The following GALR1 variants were observed in gnomAD, a reference collection of about 807,000 sequenced individuals.
The protein encoded by GALR1 is galanin receptor 1.
A neutral mutation model predicts 17.9 loss-of-function variants in GALR1; 11 were observed. The ratio of observed to expected loss-of-function variants is 0.62; its 90% CI spans 0.39 to 1.02. The LOEUF is 1.02. GALR1 is among the 50% of genes least tolerant of loss of function. The pLI, the probability that GALR1 is intolerant of heterozygous loss-of-function variation, is 0.01. For missense variants in GALR1, 441 were observed against 456.9 expected (o/e 0.97, Z 0.32); for synonymous variants, 206 against 205.7 (o/e 1.00, Z -0.01).
At chr18:77,260,021 T>C (rs374899638) in intron 2 of GALR1, among the ~76,000 whole-genome samples, 1 of 152,166 alleles carries the variant, frequency 6.6e-6, no homozygotes, top group East Asian at 1.9e-4. Flanking sequence ...GGGATTTGGC[T>C]ACTTGTTTCC....
chr18:77,268,619 T>C lies in GALR1; in HGVS notation c.767T>C (p.Phe256Ser). 6.2e-7 allele frequency: 1 copy of C among 1,614,100 alleles called. No individual in the cohort carries two copies. Among genetic ancestry groups the C allele is most frequent in the South Asian group, 1.1e-5 (1 of 91,088 alleles). The change falls in exon 3 of 3, where the codon TTT (phenylalanine) becomes TCT (serine). Residue 256 changes from phenylalanine (F) to serine (S), a missense_variant. By Grantham distance (155) the Phe-to-Ser change is radical. Transcript: ENST00000299727. Reference protein sequence around the residue: ...AQTVLVVVVVFGISWLPHHII... With the variant: ...AQTVLVVVVVSGISWLPHHII... ...ACAGTTCTGGTGGTGGTTGTGGTGTTTGGAATCTCCTGGCTGCCGCACCAC... is the reference window on the plus strand; with the variant it reads ...ACAGTTCTGGTGGTGGTTGTGGTGTCTGGAATCTCCTGGCTGCCGCACCAC...
At chr18:77,255,616 G>A (rs1011833640) in intron 1 of GALR1, among the ~76,000 whole-genome samples, 1 of 152,150 alleles carries the variant, frequency 6.6e-6, no homozygotes, top group African/African-American at 2.4e-5. Flanking sequence ...CACAAACGCT[G>A]GCAATATTTG....
chr18:77,254,117 A>G (rs1005550637), intron 1 of GALR1: 4 of 152,252 alleles, frequency 2.6e-5, no homozygotes, highest in South Asian at 2.1e-4. Flanking sequence ...GGATGTAGCC[A>G]GCAGGACCTG....
chr18:77,261,504 A>G (rs1374687006), intron 2 of GALR1, among the ~76,000 whole-genome samples: 2 of 152,232 alleles, frequency 1.3e-5, no homozygotes, highest in African/African-American at 4.8e-5. Context: ...TCAGGCTGCT[A>G]TAAGAAAATA....
At chr18:77,252,959 T>TCACCACCAC (rs1912488840) in intron 1 of GALR1, among the ~76,000 whole-genome samples, 3 of 26,140 alleles carry the variant, frequency 1.1e-4, no homozygotes, top group Admixed American at 4.3e-4. Context: ...ATCACCACCA[T>TCACCACCAC]CACCACCACC....
At chr18:77,255,858 A>G (rs879547311) in intron 1 of GALR1, among the ~76,000 whole-genome samples, 2 of 152,162 alleles carry the variant, frequency 1.3e-5, no homozygotes, top group Non-Finnish European at 2.9e-5. Context: ...GGGTCATGGC[A>G]TGGCTGTTTC....
At position 77,275,969 on chromosome 18, in the gene GALR1, T is replaced by C. The variant is rs939379678; in HGVS notation, c.*7067T>C. Reference sequence around the variant, plus strand: ...GACACTGAGTGAATACACAGATTCCTAGATTTGAGATATTTTCAAAATAGG... The same window carrying C: ...GACACTGAGTGAATACACAGATTCCCAGATTTGAGATATTTTCAAAATAGG... On this transcript the variant is annotated 3_prime_UTR_variant, in exon 3 of 3. Coordinates refer to ENST00000299727, the MANE Select transcript of GALR1 (RefSeq NM_001480.4). 1.3e-5 allele frequency: 2 copies of C among 152,202 alleles called. No homozygotes were observed. Among genetic ancestry groups the C allele is most frequent in the Non-Finnish European group, 2.9e-5 (2 of 68,032 alleles). The allele number at this position is 152,202 out of a possible 1,614,324, so 9.4% of individuals were successfully genotyped here.
Position 77,273,749 on chromosome 18 carries a change from C to T in GALR1, c.*4847C>T, listed in dbSNP as rs1044480175. The T allele has an allele frequency of 1.3e-5, 2 of 152,118 alleles. No homozygotes were observed. Among genetic ancestry groups the T allele is most frequent in the African/African-American group, 4.8e-5 (2 of 41,412 alleles). The allele number at this position is 152,118 out of a possible 1,614,324, so 9.4% of individuals were successfully genotyped here. On this transcript the variant is annotated 3_prime_UTR_variant, in exon 3 of 3. Transcript: ENST00000299727. The stretch of plus-strand genomic sequence containing the variant: ...TCTCTGAATCTTTTCAATGTTGGCT[C>T]CATTTGCCATACTCAGACAATTGCT...
chr18:77,254,646 G>T lies in GALR1; in HGVS notation c.667-1512G>T, dbSNP rs1599355478. ...CATCTAGGCAGTCCTGTCCTCTTGG[G>T]CAGGGTCCTGCCTCCTCCAGCCCTT... On this transcript the variant is annotated intron_variant, in intron 1 of 2. Coordinates refer to ENST00000299727, the MANE Select transcript of GALR1 (RefSeq NM_001480.4). 2.0e-5 allele frequency among the ~76,000 whole-genome samples: 3 copies of T among 152,208 alleles called. No homozygotes were observed. In the East Asian group the frequency reaches 5.8e-4, roughly 29 times the overall value.
chr18:77,263,437 C>T (rs1912876321), intron 2 of GALR1, among the ~76,000 whole-genome samples: 1 of 152,136 alleles, frequency 6.6e-6, no homozygotes, highest in Non-Finnish European at 1.5e-5. Context: ...TTCATTGGTT[C>T]ATCTTATTCT....
intron 2 of GALR1, among the ~76,000 whole-genome samples, chr18:77,258,908 G>A (rs376399542): frequency 4.3e-5 from 6 of 139,486 alleles, no homozygotes; most frequent in South Asian, 2.3e-4. Context: ...GGTGGTGGGC[G>A]GTAGTGGTGG....
intron 1 of GALR1, among the ~76,000 whole-genome samples, chr18:77,252,643 T>C (rs1201527147): frequency 6.6e-6 from 1 of 152,032 alleles, no homozygotes; most frequent in African/African-American, 2.4e-5. Flanking sequence ...AGGTCGGGAA[T>C]TCGAGACCAG....
chr18:77,258,573 G>GTGGTGGTCA (rs1912652197), intron 2 of GALR1, among the ~76,000 whole-genome samples: 1 of 51,050 alleles, frequency 2.0e-5, no homozygotes, highest in Non-Finnish European at 4.5e-5. Flanking sequence ...AGTGGGGGTG[G>GTGGTGGTCA]TGGTGGTCAT....
rs1301748155 is a variant in GALR1, at chr18:77,277,723, CA to C, written c.*8822del. 6.6e-6 allele frequency: 1 copy of C among 152,162 alleles called. No homozygotes were observed. Among genetic ancestry groups the C allele is most frequent in the Admixed American group, 6.5e-5 (1 of 15,268 alleles). 9.4% of individuals were successfully genotyped at this position (152,162 alleles called of 1,614,324 possible). A position where few individuals can be genotyped will look rare whatever the true frequency, so the allele number is the denominator to read the frequency against. ...TTTATCTCATTATTTATAGATCTAG[CA>C]TGAATGCCAGTAAGCTGACAAAGCC... is the stretch of plus-strand genomic sequence containing the variant. On this transcript the variant is annotated 3_prime_UTR_variant, in exon 3 of 3. Coordinates refer to ENST00000299727, the MANE Select transcript of GALR1 (RefSeq NM_001480.4).
At chr18:77,251,355 C>T in intron 1 of GALR1, 141 bp downstream of exon 1, 2 of 1,310,766 alleles carry the variant, frequency 1.5e-6, no homozygotes, top group Non-Finnish European at 2.0e-6. Flanking sequence ...GGCGCTGGTA[C>T]GGATCTGTGC....
Position 77,250,543 on chromosome 18 carries a change from C to A in GALR1, c.-6C>A. The A allele has an allele frequency of 6.6e-7, 1 of 1,514,212 alleles. No individual in the cohort carries two copies. The highest frequency in any genetic ancestry group is 8.8e-7 in the Non-Finnish European group (1 of 1,136,740). The allele number at this position is 1,514,212 out of a possible 1,614,324, so 93.8% of individuals were successfully genotyped here. On this transcript the variant is annotated 5_prime_UTR_variant, in exon 1 of 3. Transcript: ENST00000299727. Reference sequence around the variant, plus strand: ...CCCGCCGCTCGCCGGGACAGCCCCGCGGGCCATGGAGCTGGCGGTCGGGAA... The same window carrying A: ...CCCGCCGCTCGCCGGGACAGCCCCGAGGGCCATGGAGCTGGCGGTCGGGAA...
chr18:77,252,959 T>TCACCACCATCACCACCACCAC (rs1912488686), intron 1 of GALR1, among the ~76,000 whole-genome samples: 2 of 26,144 alleles, frequency 7.6e-5, no homozygotes, highest in East Asian at 1.0e-3. Context: ...ATCACCACCA[T>TCACCACCATCACCACCACCAC]CACCACCACC....
chr18:77,249,954 G>A lies in GALR1; in HGVS notation c.-595G>A, dbSNP rs2144943990. 6.6e-6 allele frequency among the ~76,000 whole-genome samples: 1 copy of A among 152,362 alleles called. No individual in the cohort carries two copies. Among genetic ancestry groups the A allele is most frequent in the African/African-American group, 2.4e-5 (1 of 41,594 alleles). ...GCCCTGTGGACGACTCGGAATCCCT[G>A]GAAAAGCCGGGAGGGAGTCGGAGGC... On this transcript the variant is annotated 5_prime_UTR_variant, in exon 1 of 3. Coordinates refer to ENST00000299727, the MANE Select transcript of GALR1 (RefSeq NM_001480.4).
chr18:77,252,989 TCACCACCAC>T (rs1912497112), intron 1 of GALR1, among the ~76,000 whole-genome samples: 1,049 of 24,840 alleles, frequency 0.042, 16 homozygotes, highest in African/African-American at 0.13. Context: ...ATCACCACCA[TCACCACCAC>T]CACCACCACC....
Sources: gnomAD v4.1 joint callset for allele counts (sites outside exome capture counted in the v4.1 genomes callset) on GRCh38, gnomAD v4.1.1 for gene constraint, MANE v1.5 for transcripts, NCBI Gene and HGNC (gene_info 2026-07-23, HGNC 2026-07-21) for gene names.